DCAF8L2: variants seen among roughly 807,000 people sequenced by gnomAD.
The protein encoded by DCAF8L2 is DDB1- and CUL4-associated factor 8-like protein 2.
For synonymous variants in DCAF8L2, 200 were observed against 190.9 expected, an observed-to-expected ratio of 1.05 and a Z score of -0.39; for missense variants, 430 against 490.7, an observed-to-expected ratio of 0.88 and a Z score of 1.17.
At chrX:27,696,244 AGAAG>A (rs1194172620) in intron 3 of DCAF8L2, among the ~76,000 whole-genome samples, 2 of 100,603 alleles carry the variant, frequency 2.0e-5, no homozygotes, top group African/African-American at 7.3e-5. Context: ...AAAGAAAGAA[AGAAG>A]GAAGGAAGGA....
intron 1 of DCAF8L2, among the ~76,000 whole-genome samples, chrX:27,593,603 G>A (rs1175412819): frequency 9.0e-6 from 1 of 111,671 alleles, no homozygotes; most frequent in Non-Finnish European, 1.9e-5. Flanking sequence ...GGTCCTCAGT[G>A]TTGGATTCCA....
At chrX:27,684,101 C>T (rs1221312502) in intron 3 of DCAF8L2, among the ~76,000 whole-genome samples, 1 of 112,106 alleles carries the variant, frequency 8.9e-6, no homozygotes, top group Admixed American at 9.5e-5. Flanking sequence ...TCATTGAATA[C>T]TTTGCACTGA....
the DCAF8L2 span, among the ~76,000 whole-genome samples, chrX:27,497,509 T>TTTCCTTCCTTCCTTCC: frequency 3.9e-4 from 18 of 46,500 alleles, no homozygotes; most frequent in South Asian, 1.4e-3. Flanking sequence ...TCTTTCTTTC[T>TTTCCTTCCTTCCTTCC]TTCCTTCCTT....
At chrX:27,532,061 C>T in the DCAF8L2 span, among the ~76,000 whole-genome samples, 1 of 95,672 alleles carries the variant, frequency 1.0e-5, no homozygotes, top group African/African-American at 4.3e-5. Context: ...AAATTGATAT[C>T]GATATATATA....
chrX:27,629,164 A>G lies in DCAF8L2; in HGVS notation c.-341-2715A>G, dbSNP rs781097373. On this transcript the variant is annotated intron_variant, in intron 1 of 4. Coordinates refer to ENST00000451261, the MANE Select transcript of DCAF8L2 (RefSeq NM_001353450.2). ...GTTGACAAATTTTTTCCCATTCTGT[A>G]GACTTTTCATTCTGTTGATTGTTTC... Among the ~76,000 whole-genome samples, 10 of 111,480 alleles carry G rather than the reference A, an allele frequency of 9.0e-5. No homozygotes were observed. The South Asian group carries it at 1.1e-3, about 13-fold the overall frequency.
chrX:27,491,761 C>T, the DCAF8L2 span, among the ~76,000 whole-genome samples: 1 of 110,851 alleles, frequency 9.0e-6, no homozygotes, highest in Non-Finnish European at 1.9e-5. Flanking sequence ...TTTTTTTAAC[C>T]TTTCATTGTG....
intron 3 of DCAF8L2, among the ~76,000 whole-genome samples, chrX:27,688,482 T>A (rs1930589511): frequency 8.9e-6 from 1 of 111,965 alleles, no homozygotes; most frequent in Admixed American, 9.5e-5. Flanking sequence ...ATGGAAATAA[T>A]AATGTACAAC....
Position 27,698,341 on chromosome X carries a change from T to C in DCAF8L2, c.-142-17747T>C, listed in dbSNP as rs573133453. ...CAGCATAGAGGCCAAAAATATCAGA[T>C]AGTCACTTCCTGAGCCTACTGGGCC... is the stretch of plus-strand genomic sequence containing the variant. On this transcript the variant is annotated intron_variant, in intron 3 of 4. Transcript: ENST00000451261. Among the ~76,000 whole-genome samples, 178 of 111,879 alleles carry C rather than the reference T, an allele frequency of 1.6e-3. 4 individuals carry two copies. Among genetic ancestry groups the C allele is most frequent in the South Asian group, 9.8e-3 (26 of 2,658 alleles).
At chrX:27,527,014 A>C in the DCAF8L2 span, among the ~76,000 whole-genome samples, 1 of 111,994 alleles carries the variant, frequency 8.9e-6, no homozygotes, top group African/African-American at 3.3e-5. Flanking sequence ...CTCAGATCTC[A>C]AGCTCCATGC....
At chrX:27,610,369 A>T (rs1238786977) in intron 1 of DCAF8L2, among the ~76,000 whole-genome samples, 1 of 109,836 alleles carries the variant, frequency 9.1e-6, no homozygotes, top group Non-Finnish European at 1.9e-5. Flanking sequence ...TCAGGACTGG[A>T]TGTGTGTATA....
At chrX:27,514,530 G>A in the DCAF8L2 span, among the ~76,000 whole-genome samples, 10 of 104,354 alleles carry the variant, frequency 9.6e-5, no homozygotes, top group East Asian at 2.1e-3. Context: ...TTAGCCGGGC[G>A]TAGTGGCGGG....
At chrX:27,493,706 C>CAAAAAAAAAAAA in the DCAF8L2 span, among the ~76,000 whole-genome samples, 3 of 18,308 alleles carry the variant, frequency 1.6e-4, no homozygotes, top group African/African-American at 4.1e-4. Flanking sequence ...AACTCCATCT[C>CAAAAAAAAAAAA]AAAAAAAAAA....
At chrX:27,567,349 T>C in the DCAF8L2 span, among the ~76,000 whole-genome samples, 1 of 108,175 alleles carries the variant, frequency 9.2e-6, no homozygotes, top group African/African-American at 3.4e-5. Context: ...TATTATTTTG[T>C]TGCTGTCAAT....
At chrX:27,522,794 T>C in the DCAF8L2 span, among the ~76,000 whole-genome samples, 1 of 111,958 alleles carries the variant, frequency 8.9e-6, no homozygotes, top group East Asian at 2.8e-4. Flanking sequence ...TTTTTCATTT[T>C]ATTTCTTCTT....
intron 4 of DCAF8L2, among the ~76,000 whole-genome samples, chrX:27,722,247 T>A (rs1169871643): frequency 8.9e-6 from 1 of 111,891 alleles, no homozygotes; most frequent in African/African-American, 3.2e-5. Flanking sequence ...TAAAATAGAA[T>A]TCAACAGATA....
chrX:27,477,357 G>A, the DCAF8L2 span, among the ~76,000 whole-genome samples: 13 of 111,427 alleles, frequency 1.2e-4, no homozygotes, highest in African/African-American at 4.2e-4. Flanking sequence ...GTGCGATCTC[G>A]GCTCACTGCA....
At chrX:27,563,111 T>C in the DCAF8L2 span, among the ~76,000 whole-genome samples, 3 of 111,991 alleles carry the variant, frequency 2.7e-5, no homozygotes, top group African/African-American at 9.7e-5. Flanking sequence ...ATTTATATTT[T>C]TGCTGCCTTT....
At chrX:27,515,718 C>T in the DCAF8L2 span, among the ~76,000 whole-genome samples, 1 of 111,871 alleles carries the variant, frequency 8.9e-6, no homozygotes, top group Non-Finnish European at 1.9e-5. Context: ...GCACATAATT[C>T]AAAATGAGGA....
In DCAF8L2 at chrX:27,749,121, G is replaced by T. The variant is rs1196051465; in HGVS notation, c.*330G>T. Among the ~76,000 whole-genome samples the T allele has an allele frequency of 2.7e-5, 3 of 111,483 alleles. No individual in the cohort carries two copies. The highest frequency in any genetic ancestry group is 3.8e-5 in the Non-Finnish European group (2 of 53,156). On this transcript the variant is annotated 3_prime_UTR_variant, in exon 5 of 5. Transcript: ENST00000451261. ...CTAAATTTTCTGAATTTTGCTGAAAGAATTAATACCCTTATTAGATGCATC... is the reference window on the plus strand; with the variant it reads ...CTAAATTTTCTGAATTTTGCTGAAATAATTAATACCCTTATTAGATGCATC...
Sources: gnomAD v4.1 joint callset for allele counts (sites outside exome capture counted in the v4.1 genomes callset) on GRCh38, gnomAD v4.1.1 for gene constraint, MANE v1.5 for transcripts, NCBI Gene and HGNC (gene_info 2026-07-23, HGNC 2026-07-21) for gene names.